MGAT4C: variants seen among roughly 807,000 people sequenced by gnomAD.
The protein encoded by MGAT4C is MGAT4 family member C.
A neutral mutation model predicts 40.1 loss-of-function variants in MGAT4C; 19 were observed. That is an observed-to-expected ratio of 0.47 (90% confidence interval 0.33 to 0.70). MGAT4C has a LOEUF of 0.70. Ranked by LOEUF, MGAT4C falls within the 30% of genes least tolerant of loss-of-function variation. The pLI, the probability that MGAT4C is intolerant of heterozygous loss-of-function variation, is 0.02. For synonymous variants in MGAT4C, 181 were observed against 187.1 expected (o/e 0.97, Z 0.27); for missense variants, 491 against 563.2 (o/e 0.87, Z 1.30).
intron 3 of MGAT4C, among the ~76,000 whole-genome samples, chr12:86,388,433 T>C (rs1011059095): frequency 2.6e-5 from 4 of 152,226 alleles, no homozygotes; most frequent in Admixed American, 6.5e-5. Flanking sequence ...CTTCTTTTCA[T>C]ATGTAAAGAA....
At chr12:86,317,975 A>G (rs1169320494) in intron 4 of MGAT4C, among the ~76,000 whole-genome samples, 1 of 151,876 alleles carries the variant, frequency 6.6e-6, no homozygotes, top group East Asian at 1.9e-4. Flanking sequence ...TCTTATGTTA[A>G]AAGAATTCAG....
chr12:86,459,469 A>G (rs1957559958), intron 2 of MGAT4C, among the ~76,000 whole-genome samples: 1 of 151,956 alleles, frequency 6.6e-6, no homozygotes, highest in East Asian at 1.9e-4. Flanking sequence ...AAGGGTCTGC[A>G]GGTGGCCACT....
chr12:86,054,813 G>A (rs1893230114), intron 1 of MGAT4C, among the ~76,000 whole-genome samples: 2 of 151,840 alleles, frequency 1.3e-5, no homozygotes, highest in South Asian at 4.1e-4. Context: ...CATGAGTGAA[G>A]TGTGGGCCTC....
At chr12:86,172,688 G>A (rs1315225593) in intron 1 of MGAT4C, among the ~76,000 whole-genome samples, 1 of 151,936 alleles carries the variant, frequency 6.6e-6, no homozygotes, top group Non-Finnish European at 1.5e-5. Flanking sequence ...TTTGCTAAGG[G>A]TATAAATTAG....
At chr12:86,600,659 G>A (rs1483762910) in intron 2 of MGAT4C, among the ~76,000 whole-genome samples, 1 of 152,228 alleles carries the variant, frequency 6.6e-6, no homozygotes, top group Non-Finnish European at 1.5e-5. Context: ...AGCAGCCGCT[G>A]TGAAGACACA....
At chr12:86,683,127 C>G (rs1485563597) in intron 2 of MGAT4C, among the ~76,000 whole-genome samples, 3 of 152,088 alleles carry the variant, frequency 2.0e-5, no homozygotes, top group African/African-American at 4.8e-5. Flanking sequence ...TATGATATCC[C>G]TGTGCCTCAG....
intron 3 of MGAT4C, among the ~76,000 whole-genome samples, chr12:86,434,590 T>C (rs1592843748): frequency 6.6e-6 from 1 of 152,106 alleles, no homozygotes; most frequent in East Asian, 1.9e-4. Context: ...AATTTTGTAC[T>C]TTGTATATAT....
intron 2 of MGAT4C, among the ~76,000 whole-genome samples, chr12:86,539,409 A>T (rs1165026378): frequency 2.0e-5 from 3 of 152,174 alleles, no homozygotes; most frequent in Non-Finnish European, 2.9e-5. Flanking sequence ...CACATTTCTT[A>T]ATCCAATCTA....
intron 4 of MGAT4C, among the ~76,000 whole-genome samples, chr12:86,293,822 C>T (rs1337937066): frequency 3.9e-5 from 6 of 152,144 alleles, no homozygotes; most frequent in African/African-American, 1.4e-4. Context: ...TGCATTCACT[C>T]ACTCCATCCT....
At chr12:86,280,845 T>C (rs1953201422) in intron 4 of MGAT4C, among the ~76,000 whole-genome samples, 1 of 152,084 alleles carries the variant, frequency 6.6e-6, no homozygotes, top group South Asian at 2.1e-4. Context: ...AAGTACATAT[T>C]TTATCTTATT....
intron 3 of MGAT4C, among the ~76,000 whole-genome samples, chr12:86,344,744 G>A (rs868204638): frequency 1.6e-5 from 2 of 124,376 alleles, no homozygotes; most frequent in Non-Finnish European, 3.8e-5. Context: ...GTGTGTGTGT[G>A]TGTGTGTGTG....
chr12:86,296,915 C>A (rs912099924), intron 4 of MGAT4C, among the ~76,000 whole-genome samples: 1 of 152,232 alleles, frequency 6.6e-6, no homozygotes, highest in Admixed American at 6.5e-5. Flanking sequence ...GCGCCCAGAG[C>A]GAGCGAGGGC....
intron 2 of MGAT4C, among the ~76,000 whole-genome samples, chr12:86,635,267 G>A (rs556576105): frequency 6.6e-6 from 1 of 152,178 alleles, no homozygotes; most frequent in African/African-American, 2.4e-5. Flanking sequence ...ACCTCATGAA[G>A]GTGAAGAACC....
chr12:86,005,996 C>T (rs1486892068), intron 2 of MGAT4C, among the ~76,000 whole-genome samples: 1 of 152,128 alleles, frequency 6.6e-6, no homozygotes, highest in African/African-American at 2.4e-5. Context: ...TCTACAACTT[C>T]CAATTTTCTC....
At chr12:86,425,803 A>G (rs1370019008) in intron 3 of MGAT4C, among the ~76,000 whole-genome samples, 1 of 152,190 alleles carries the variant, frequency 6.6e-6, no homozygotes, top group Non-Finnish European at 1.5e-5. Flanking sequence ...TATCTTGGGT[A>G]TTTCCAAGAT....
chr12:86,358,997 T>C (rs1206632314), intron 3 of MGAT4C, among the ~76,000 whole-genome samples: 2 of 152,078 alleles, frequency 1.3e-5, no homozygotes, highest in Non-Finnish European at 2.9e-5. Context: ...TCTACAGAAC[T>C]CTCCACCCCA....
At chr12:86,642,192 A>G (rs1018146352) in intron 2 of MGAT4C, among the ~76,000 whole-genome samples, 1 of 151,856 alleles carries the variant, frequency 6.6e-6, no homozygotes, top group East Asian at 1.9e-4. Flanking sequence ...CAAGAATTTG[A>G]GATACGTATA....
intron 1 of MGAT4C, among the ~76,000 whole-genome samples, chr12:86,250,567 T>C (rs1952233962): frequency 6.6e-6 from 1 of 152,088 alleles, no homozygotes; most frequent in Admixed American, 6.6e-5. Context: ...TAACTCCAGG[T>C]TTGAAACTCT....
chr12:86,510,233 C>T (rs1227017522), intron 2 of MGAT4C, among the ~76,000 whole-genome samples: 3 of 151,996 alleles, frequency 2.0e-5, no homozygotes, highest in Non-Finnish European at 4.4e-5. Flanking sequence ...TGAGATCCGT[C>T]CCATCAATAC....
Sources: gnomAD v4.1 joint callset for allele counts (sites outside exome capture counted in the v4.1 genomes callset) on GRCh38, gnomAD v4.1.1 for gene constraint, MANE v1.5 for transcripts, NCBI Gene and HGNC (gene_info 2026-07-23, HGNC 2026-07-21) for gene names.